Variants in SLC25A26 observed in about 807,000 individuals in gnomAD.
The protein encoded by SLC25A26 is mitochondrial S-adenosylmethionine carrier protein.
Under a neutral mutation model 37.8 loss-of-function variants are expected in SLC25A26, and 36 were observed. The observed-to-expected ratio is 0.95, with a 90% CI of 0.73 to 1.26. The LOEUF is 1.26. Ranked by LOEUF, SLC25A26 falls within the 50% of genes most tolerant of loss-of-function variation. SLC25A26 has a pLI of 0.00. For missense variants in SLC25A26, 390 were observed against 331.1 expected (o/e 1.18, Z -1.38); for synonymous variants, 129 against 122.5 (o/e 1.05, Z -0.35).
chr3:66,314,208 G>A (rs1257554164), intron 5 of SLC25A26, among the ~76,000 whole-genome samples: 1 of 152,096 alleles, frequency 6.6e-6, no homozygotes, highest in Non-Finnish European at 1.5e-5. Flanking sequence ...GTTTTCAAAG[G>A]GAATGCTTCC....
chr3:66,349,707 G>A (rs1287317181), intron 6 of SLC25A26, among the ~76,000 whole-genome samples: 2 of 152,098 alleles, frequency 1.3e-5, no homozygotes, highest in African/African-American at 2.4e-5. Context: ...CTTCTCTAGG[G>A]TCAGAGGCCA....
intron 1 of SLC25A26, among the ~76,000 whole-genome samples, chr3:66,192,329 A>AAC (rs2070960223): frequency 6.6e-6 from 1 of 151,090 alleles, no homozygotes; most frequent in Non-Finnish European, 1.5e-5. Flanking sequence ...AAAAAAAAAA[A>AAC]AAAAAAGAGA....
intron 5 of SLC25A26, among the ~76,000 whole-genome samples, chr3:66,328,575 A>G (rs10510953): frequency 0.28 from 42,027 of 152,108 alleles, 6,733 homozygotes; most frequent in East Asian, 0.68. Context: ...CAGTACCTCC[A>G]TTCATCGACA....
At chr3:66,240,836 C>T (rs2072545220) in intron 2 of SLC25A26, among the ~76,000 whole-genome samples, 1 of 150,548 alleles carries the variant, frequency 6.6e-6, no homozygotes, top group Non-Finnish European at 1.5e-5. Context: ...AGCTCCGCCT[C>T]CTGGGTTCAT....
chr3:66,318,841 T>A (rs1232731599), intron 5 of SLC25A26, among the ~76,000 whole-genome samples: 1 of 151,984 alleles, frequency 6.6e-6, no homozygotes, highest in Non-Finnish European at 1.5e-5. Flanking sequence ...ATAGAGATGG[T>A]ATCTCTCTTT....
chr3:66,347,132 TTAAAC>T (rs1307850047), intron 6 of SLC25A26, among the ~76,000 whole-genome samples: 1 of 152,072 alleles, frequency 6.6e-6, no homozygotes, highest in Non-Finnish European at 1.5e-5. Context: ...TGGGATCTAA[TTAAAC>T]TAAAGAGCTT....
At chr3:66,156,421 G>A (rs929464298) in intron 1 of SLC25A26, among the ~76,000 whole-genome samples, 3 of 151,412 alleles carry the variant, frequency 2.0e-5, no homozygotes, top group African/African-American at 7.3e-5. Flanking sequence ...TCTTCAAAGC[G>A]GAGAAATTAG....
At chr3:66,334,639 T>C (rs1221194304) in intron 5 of SLC25A26, among the ~76,000 whole-genome samples, 2 of 152,174 alleles carry the variant, frequency 1.3e-5, no homozygotes, top group African/African-American at 2.4e-5. Flanking sequence ...TTAGGAGGTG[T>C]AGCAGGTTTC....
intron 6 of SLC25A26, among the ~76,000 whole-genome samples, chr3:66,357,618 C>T (rs753378909): frequency 2.6e-5 from 4 of 151,846 alleles, no homozygotes; most frequent in Admixed American, 1.3e-4. Flanking sequence ...ATCATTTATC[C>T]GCCTTGACAG....
intron 5 of SLC25A26, among the ~76,000 whole-genome samples, chr3:66,315,123 T>C (rs1374912911): frequency 6.6e-6 from 1 of 150,848 alleles, no homozygotes; most frequent in Admixed American, 6.6e-5. Flanking sequence ...TTTATCTCCT[T>C]CAGTTCTGCT....
At chr3:66,197,300 T>C (rs972272990) in intron 1 of SLC25A26, among the ~76,000 whole-genome samples, 46 of 152,242 alleles carry the variant, frequency 3.0e-4, no homozygotes, top group African/African-American at 1.1e-3. Flanking sequence ...TGTATGAGGA[T>C]AGGCATCAGG....
intron 5 of SLC25A26, among the ~76,000 whole-genome samples, chr3:66,282,551 T>G (rs942586581): frequency 6.6e-5 from 10 of 152,216 alleles, no homozygotes; most frequent in Non-Finnish European, 1.5e-5. Flanking sequence ...CAAGGGGGCC[T>G]TGATTCCTTC....
In SLC25A26 at chr3:66,378,825, GAC is replaced by G. The variant is rs1491142648; in HGVS notation, c.*1021_*1022del. The G allele has an allele frequency of 6.6e-6, 1 of 152,424 alleles. No homozygotes were observed. The highest frequency in any genetic ancestry group is 1.9e-4 in the East Asian group (1 of 5,198). The allele number at this position is 152,424 out of a possible 1,614,324, so 9.4% of individuals were successfully genotyped here. A position where few individuals can be genotyped will look rare whatever the true frequency, so the allele number is the denominator to read the frequency against. ...CATTTATAAATGAACCTTTATTAAA[GAC>G]ACTTCAATGCCATTTGTTAGACACT... On this transcript the variant is annotated 3_prime_UTR_variant, in exon 10 of 10. Coordinates refer to ENST00000354883, the MANE Select transcript of SLC25A26 (RefSeq NM_001379210.1).
intron 9 of SLC25A26, among the ~76,000 whole-genome samples, chr3:66,377,295 G>A (rs1201849032): frequency 3.3e-5 from 5 of 152,106 alleles, no homozygotes; most frequent in Non-Finnish European, 7.4e-5. Context: ...TCAACTCGTT[G>A]TCGTGACGTC....
At chr3:66,205,014 A>G (rs928845935) in intron 1 of SLC25A26, among the ~76,000 whole-genome samples, 3 of 152,194 alleles carry the variant, frequency 2.0e-5, no homozygotes, top group African/African-American at 4.8e-5. Flanking sequence ...ATGTTTGGCT[A>G]AGAACATTGA....
chr3:66,281,349 A>G (rs1307811500), intron 5 of SLC25A26, among the ~76,000 whole-genome samples: 1 of 152,230 alleles, frequency 6.6e-6, no homozygotes, highest in Non-Finnish European at 1.5e-5. Context: ...ATGCGGTAAT[A>G]TTTTGAGAAC....
intron 6 of SLC25A26, among the ~76,000 whole-genome samples, chr3:66,357,037 T>C (rs1279211367): frequency 6.6e-6 from 1 of 152,226 alleles, no homozygotes; most frequent in African/African-American, 2.4e-5. Context: ...AAGGAAGCTT[T>C]ACTTAAGAAA....
At chr3:66,186,073 A>G (rs2070820558) in intron 1 of SLC25A26, among the ~76,000 whole-genome samples, 1 of 151,426 alleles carries the variant, frequency 6.6e-6, no homozygotes. Context: ...TCACCCTCAC[A>G]ATAAGCCTGA....
rs991409825 is a variant in SLC25A26 at position 66,209,570 on chromosome 3, C to T, written c.-353-11172C>T. Among the ~76,000 whole-genome samples, 83 of 135,604 alleles carry T rather than the reference C, an allele frequency of 6.1e-4. 1 individual carries two copies. In the East Asian group the frequency reaches 9.4e-3, roughly 15 times the overall value. 89.0% of individuals were successfully genotyped at this position (135,604 alleles called of 152,430 possible). On this transcript the variant is annotated intron_variant, in intron 1 of 10. Transcript: ENST00000676754. The stretch of plus-strand genomic sequence containing the variant: ...GGTATATATATATACCTTTTATATA[C>T]GTATAAAAGTATAGGCATATATATA...
Sources: gnomAD v4.1 joint callset for allele counts (sites outside exome capture counted in the v4.1 genomes callset) on GRCh38, gnomAD v4.1.1 for gene constraint, MANE v1.5 for transcripts, NCBI Gene and HGNC (gene_info 2026-07-23, HGNC 2026-07-21) for gene names.